The following PLSCR1 variants were observed in gnomAD, a reference collection of about 807,000 sequenced individuals.
The protein encoded by PLSCR1 is phospholipid scramblase 1.
In PLSCR1, 17 loss-of-function variants were observed where a neutral mutation model predicts 37.8. The ratio of observed to expected loss-of-function variants is 0.45; its 90% confidence interval spans 0.31 to 0.68. The LOEUF (loss-of-function observed/expected upper bound fraction) is 0.68, where lower values mean the gene tolerates loss of function less well. PLSCR1 is among the 30% of genes least tolerant of loss of function. The probability of loss-of-function intolerance (pLI) is 0.06; values close to 1 mark genes in which losing one functional copy is unlikely to be tolerated. For synonymous variants in PLSCR1, 116 were observed against 125.9 expected, an observed-to-expected ratio of 0.92 and a Z score of 0.53; for missense variants, 347 against 380.9, an observed-to-expected ratio of 0.91 and a Z score of 0.74.
intron 5 of PLSCR1, among the ~76,000 whole-genome samples, chr3:146,522,292 C>T (rs1416888084): frequency 1.3e-5 from 2 of 152,060 alleles, no homozygotes; most frequent in African/African-American, 4.8e-5. Context: ...CAGATTGTTA[C>T]CATGTCTGTG....
chr3:146,538,363 T>C (rs113791337), intron 1 of PLSCR1, among the ~76,000 whole-genome samples: 16 of 152,284 alleles, frequency 1.1e-4, no homozygotes, highest in African/African-American at 3.8e-4. Flanking sequence ...TCAAAGACTA[T>C]ACTTTAAAAT....
intron 1 of PLSCR1, among the ~76,000 whole-genome samples, chr3:146,542,079 C>T (rs192753476): frequency 7.7e-4 from 118 of 152,300 alleles, no homozygotes; most frequent in Non-Finnish European, 1.4e-3. Flanking sequence ...AAATACTTGA[C>T]ATTGTATTAT....
chr3:146,533,422 C>G (rs768991145), intron 3 of PLSCR1, 48 bp downstream of exon 3: 1 of 1,011,976 alleles, frequency 9.9e-7, no homozygotes, highest in African/African-American at 1.6e-5. Flanking sequence ...CTCTCTCTCT[C>G]TGTCTCTCAA....
intron 2 of PLSCR1, among the ~76,000 whole-genome samples, chr3:146,535,248 A>AACACAC (rs140749399): frequency 0.073 from 10,997 of 151,416 alleles, 519 homozygotes; most frequent in Admixed American, 0.12. Flanking sequence ...TATAACATAG[A>AACACAC]ACACACACAC....
intron 7 of PLSCR1, among the ~76,000 whole-genome samples, chr3:146,518,106 T>C (rs1332833597): frequency 6.6e-6 from 1 of 152,218 alleles, no homozygotes; most frequent in Admixed American, 6.5e-5. Context: ...ATTCATTTCA[T>C]TCCCTCTCCT....
At chr3:146,542,856 A>C (rs1216573226) in intron 1 of PLSCR1, among the ~76,000 whole-genome samples, 1 of 152,208 alleles carries the variant, frequency 6.6e-6, no homozygotes, top group East Asian at 1.9e-4. Flanking sequence ...CATGCAAGGC[A>C]CTATACCAGG....
intron 2 of PLSCR1, among the ~76,000 whole-genome samples, chr3:146,533,894 A>C (rs1417038642): frequency 1.3e-5 from 2 of 152,240 alleles, no homozygotes; most frequent in South Asian, 2.1e-4. Context: ...GAAGAAAGAG[A>C]TAAATGAAAT....
chr3:146,539,049 C>T (rs1187885642), intron 1 of PLSCR1, among the ~76,000 whole-genome samples: 3 of 152,108 alleles, frequency 2.0e-5, no homozygotes, highest in Non-Finnish European at 2.9e-5. Context: ...ATTTATTGTG[C>T]ACTTTATTTC....
chr3:146,523,414 T>C (rs2044060414), intron 5 of PLSCR1, among the ~76,000 whole-genome samples: 1 of 152,190 alleles, frequency 6.6e-6, no homozygotes, highest in South Asian at 2.1e-4. Context: ...TATAAGAGGA[T>C]TGCTGTTTAT....
intron 1 of PLSCR1, 75 bp downstream of exon 1, chr3:146,544,392 C>G (rs1279025051): frequency 6.6e-6 from 1 of 152,564 alleles, no homozygotes; most frequent in Non-Finnish European, 1.5e-5. Context: ...GACCCCGGCC[C>G]TGGCCCCAGC....
chr3:146,522,099 T>A, intron 5 of PLSCR1, 46 bp from the exon 6 acceptor site: 1 of 1,058,334 alleles, frequency 9.4e-7, no homozygotes, highest in Non-Finnish European at 1.5e-6. Flanking sequence ...ATGTTAAAAA[T>A]ATTGAATTTA....
chr3:146,538,591 T>G (rs2044296542), intron 1 of PLSCR1, among the ~76,000 whole-genome samples: 1 of 152,146 alleles, frequency 6.6e-6, no homozygotes, highest in Non-Finnish European at 1.5e-5. Context: ...TAACAGAAAT[T>G]TTAAGAAACT....
chr3:146,544,187 T>C (rs1307191318), intron 1 of PLSCR1, among the ~76,000 whole-genome samples: 1 of 152,184 alleles, frequency 6.6e-6, no homozygotes, highest in Admixed American at 6.5e-5. Context: ...GTCATTCGAA[T>C]GGTTCTGGGG....
intron 4 of PLSCR1, among the ~76,000 whole-genome samples, chr3:146,525,957 G>A (rs944593958): frequency 1.3e-5 from 2 of 151,814 alleles, no homozygotes; most frequent in African/African-American, 2.4e-5. Context: ...GCCAAAGTGG[G>A]CAGATCACGA....
intron 3 of PLSCR1, among the ~76,000 whole-genome samples, chr3:146,533,236 C>A (rs999076036): frequency 1.6e-4 from 24 of 152,088 alleles, no homozygotes; most frequent in African/African-American, 5.8e-4. Context: ...TTTCTTTATA[C>A]CTTTACTGTC....
At chr3:146,537,468 A>C (rs932421342) in intron 1 of PLSCR1, among the ~76,000 whole-genome samples, 5 of 152,110 alleles carry the variant, frequency 3.3e-5, no homozygotes, top group African/African-American at 1.2e-4. Context: ...GCTACCCTTT[A>C]AATTATCTTA....
intron 4 of PLSCR1, among the ~76,000 whole-genome samples, chr3:146,526,755 C>G (rs1343649471): frequency 6.6e-6 from 1 of 152,050 alleles, no homozygotes; most frequent in East Asian, 1.9e-4. Context: ...GCCTAAGGGA[C>G]ATTATGTTAA....
intron 3 of PLSCR1, among the ~76,000 whole-genome samples, chr3:146,531,531 C>T (rs1197462676): frequency 6.6e-6 from 1 of 152,090 alleles, no homozygotes; most frequent in Non-Finnish European, 1.5e-5. Context: ...TAATTTTCCC[C>T]AGACTCTGAA....
At chr3:146,534,975 A>T (rs1348312808) in intron 2 of PLSCR1, among the ~76,000 whole-genome samples, 1 of 152,122 alleles carries the variant, frequency 6.6e-6, no homozygotes, top group African/African-American at 2.4e-5. Context: ...TGATTTGTGA[A>T]TCATCACAAA....
Sources: allele counts gnomAD v4.1 joint callset (sites outside exome capture counted in the v4.1 genomes callset), GRCh38; gene constraint gnomAD v4.1.1; transcripts MANE v1.5; gene names NCBI Gene and HGNC (gene_info 2026-07-23, HGNC 2026-07-21).